The following TMTC4 variants were observed in gnomAD, a reference collection of about 807,000 sequenced individuals.
TMTC4 encodes protein O-mannosyl-transferase TMTC4.
TMTC4 carries 65 observed loss-of-function variants against 86.0 expected under a neutral mutation model. The ratio of observed to expected loss-of-function variants is 0.76; its 90% CI spans 0.62 to 0.93. The LOEUF is 0.93. Ranked by LOEUF, TMTC4 falls within the 40% of genes least tolerant of loss-of-function variation. TMTC4 has a pLI of 0.00. For synonymous variants in TMTC4, 379 were observed against 382.5 expected, an observed-to-expected ratio of 0.99 and a Z score of 0.11; for missense variants, 866 against 948.1, an observed-to-expected ratio of 0.91 and a Z score of 1.14.
intron 16 of TMTC4, 144 bp from the exon 17 acceptor site, chr13:100,612,654 TACACACACACACACACACACACACACAC>T: frequency 2.2e-6 from 1 of 448,062 alleles, no homozygotes; most frequent in Non-Finnish European, 3.9e-6. Flanking sequence ...GATCATGTAA[TACACACACACACACACACACACACACAC>T]ACACACACAC....
At chr13:100,654,986 G>C (rs1437717464) in intron 6 of TMTC4, among the ~76,000 whole-genome samples, 1 of 149,852 alleles carries the variant, frequency 6.7e-6, no homozygotes, top group African/African-American at 2.5e-5. Flanking sequence ...AGAAACTTTA[G>C]AGTTGTCTTT....
At chr13:100,622,456 A>T (rs1855871374) in intron 15 of TMTC4, among the ~76,000 whole-genome samples, 2 of 152,252 alleles carry the variant, frequency 1.3e-5, no homozygotes, top group South Asian at 4.1e-4. Flanking sequence ...GTGTTGTGGG[A>T]GGGACCTGGT....
rs1428510920 is a variant in TMTC4 at position 100,605,436 on chromosome 13, G to C, written c.2135-294C>G. Reference sequence around the variant, plus strand: ...AAAGAAGAGTACATGCAATGTCTTAGTGCTGCCATGAAATTTCCAGGAAGC... The same window carrying C: ...AAAGAAGAGTACATGCAATGTCTTACTGCTGCCATGAAATTTCCAGGAAGC... On this transcript the variant is annotated intron_variant, in intron 18 of 18. Coordinates refer to ENST00000342624, the MANE Select transcript of TMTC4 (RefSeq NM_032813.5). The surrounding 1 kb of genome is among the most constrained non-coding windows in gnomAD (Gnocchi z 4.3). 2.6e-5 allele frequency among the ~76,000 whole-genome samples: 4 copies of C among 152,162 alleles called. No individual in the cohort carries two copies. The highest frequency in any genetic ancestry group is 5.9e-5 in the Non-Finnish European group (4 of 68,038).
chr13:100,616,192 A>G (rs1248093987), intron 15 of TMTC4, among the ~76,000 whole-genome samples: 1 of 151,980 alleles, frequency 6.6e-6, no homozygotes, highest in Non-Finnish European at 1.5e-5. Flanking sequence ...TGATTGATGA[A>G]CATATGAATG....
Position 100,674,794 on chromosome 13 carries a change from C to G in TMTC4, c.-258G>C. On this transcript the variant is annotated 5_prime_UTR_variant, in exon 1 of 19. Coordinates refer to ENST00000342624, the MANE Select transcript of TMTC4 (RefSeq NM_032813.5). ...CATCTCCCTCCCGGGTGCGGAAACT[C>G]TGGCGGCTCCAGGCACCCGCCCGGA... 2.9e-5 allele frequency: 29 copies of G among 983,696 alleles called. No homozygotes were observed. Among genetic ancestry groups the G allele is most frequent in the Non-Finnish European group, 3.5e-5 (29 of 829,156 alleles). The allele number at this position is 983,696 out of a possible 1,614,324, so 60.9% of individuals were successfully genotyped here.
chr13:100,631,787 C>T (rs536216991), intron 12 of TMTC4, among the ~76,000 whole-genome samples: 1 of 152,156 alleles, frequency 6.6e-6, no homozygotes, highest in South Asian at 2.1e-4. Flanking sequence ...TGAAGGAAAC[C>T]AGTGTCTTCC....
intron 5 of TMTC4, among the ~76,000 whole-genome samples, chr13:100,662,429 A>G (rs1238837721): frequency 2.6e-5 from 4 of 151,978 alleles, no homozygotes; most frequent in Non-Finnish European, 5.9e-5. Context: ...CTGCCAGGCC[A>G]TTCCCTCATC....
At chr13:100,642,180 A>T in intron 7 of TMTC4, 31 bp downstream of exon 7, 1 of 1,610,808 alleles carries the variant, frequency 6.2e-7, no homozygotes, top group Non-Finnish European at 8.5e-7. Flanking sequence ...CACACAGAAA[A>T]AGCAGGCCCC....
chr13:100,634,731 T>C lies in TMTC4; in HGVS notation c.1506+74A>G, dbSNP rs1881950797. On this transcript the variant is annotated intron_variant, in intron 12 of 18. Transcript: ENST00000342624. The stretch of plus-strand genomic sequence containing the variant: ...ACACTAAATACTGCGCGACAGGAAA[T>C]GTTCTTATTCAGCCCAAGAACTTAA... 2.7e-5 allele frequency: 42 copies of C among 1,527,954 alleles called. No individual in the cohort carries two copies. In the South Asian group the frequency reaches 5.1e-4, roughly 19 times the overall value. 94.6% of individuals were successfully genotyped at this position (1,527,954 alleles called of 1,614,324 possible).
rs768929145 is a variant in TMTC4, at chr13:100,637,602, G to A, written c.935C>T (p.Thr312Met). The A allele has an allele frequency of 1.7e-5, 28 of 1,613,994 alleles. No individual in the cohort carries two copies. Among genetic ancestry groups the A allele is most frequent in the Middle Eastern group, 3.3e-4 (2 of 6,084 alleles). ...CACCTCGGTGAAGGCCGGCGGGCCC[G>A]TGCCCATGATCCTCCAGCGCACGTA... ...MLYVRWRIMG[T>M]GPPAFTEVDN... is the part of the protein sequence containing the mutation. The change falls in exon 9 of 19, where the codon ACG becomes ATG. Residue 312 changes from threonine to methionine, a missense_variant. Coordinates refer to ENST00000342624, the MANE Select transcript of TMTC4 (RefSeq NM_032813.5).
rs988320087 is a variant in TMTC4 at position 100,605,576 on chromosome 13, T to TA, written c.2135-435dup. Among the ~76,000 whole-genome samples, 14 of 152,182 alleles carry TA rather than the reference T, an allele frequency of 9.2e-5. No homozygotes were observed. The highest frequency in any genetic ancestry group is 3.1e-4 in the African/African-American group (13 of 41,442). On this transcript the variant is annotated intron_variant, in intron 18 of 18. Coordinates refer to ENST00000342624, the MANE Select transcript of TMTC4 (RefSeq NM_032813.5). The surrounding 1 kb of genome is among the most constrained non-coding windows in gnomAD (Gnocchi z 4.3). ...TTCCTTACACCATTTGGGGAAGTAA[T>TA]AGCTTGTTTGGGTCCATTTAGAAAA... is the stretch of plus-strand genomic sequence containing the variant.
At chr13:100,674,854 G>A (rs1160882820), upstream of TMTC4, 75 of 970,040 alleles carry the variant, frequency 7.7e-5, no homozygotes, top group South Asian at 9.5e-5. Context: ...CCGCGCACCC[G>A]ACCCCCCCCG....
At chr13:100,622,802 G>GT (rs1879746998) in intron 15 of TMTC4, among the ~76,000 whole-genome samples, 1 of 151,656 alleles carries the variant, frequency 6.6e-6, no homozygotes, top group Non-Finnish European at 1.5e-5. Flanking sequence ...TATACTTTAA[G>GT]TTTTAGCGTA....
At chr13:100,618,451 C>CTTTTT (rs1204044849) in intron 15 of TMTC4, among the ~76,000 whole-genome samples, 3 of 82,430 alleles carry the variant, frequency 3.6e-5, no homozygotes, top group East Asian at 3.5e-4. Context: ...TTTGTTGCTT[C>CTTTTT]TTGTTTTTTT....
rs1456614774 is a variant in TMTC4, at chr13:100,642,249, C to T, written c.703G>A (p.Val235Met). 1.2e-6 allele frequency: 2 copies of T among 1,614,198 alleles called. No homozygotes were observed. The highest frequency in any genetic ancestry group is 1.7e-6 in the Non-Finnish European group (2 of 1,180,040). The change falls in exon 7 of 19, where the codon GTG (valine) becomes ATG (methionine). Residue 235 changes from valine (V) to methionine (M), a missense_variant. Coordinates refer to ENST00000342624, the MANE Select transcript of TMTC4 (RefSeq NM_032813.5). ...CCTTGCTCTTTGCACAGCATGGCCACTGCTCCCAGAAAGATACTCAGCAGC... is the reference window on the plus strand; with the variant it reads ...CCTTGCTCTTTGCACAGCATGGCCATTGCTCCCAGAAAGATACTCAGCAGC... ...WVLLSIFLGAVAMLCKEQGIT... is the reference protein window; with the variant it reads ...WVLLSIFLGAMAMLCKEQGIT...
intron 1 of TMTC4, 46 bp downstream of exon 1, chr13:100,674,698 C>T: frequency 2.0e-6 from 2 of 983,316 alleles, no homozygotes; most frequent in South Asian, 4.7e-5. Flanking sequence ...CAACTCCGCT[C>T]GCCCCGCGGC....
chr13:100,668,623 C>T lies in TMTC4; in HGVS notation c.175G>A (p.Gly59Arg), dbSNP rs778163977. 1.9e-6 allele frequency: 3 copies of T among 1,614,154 alleles called. No individual in the cohort carries two copies. The highest frequency in any genetic ancestry group is 2.5e-6 in the Non-Finnish European group (3 of 1,180,028). The change falls in exon 3 of 19, where the codon GGA (glycine) becomes AGA (arginine). Residue 59 changes from glycine (G) to arginine (R), a missense_variant. Transcript: ENST00000342624. Reference protein sequence around the residue: ...AIVCFARSYDGDFVFDDSEAI... With the variant: ...AIVCFARSYDRDFVFDDSEAI... The stretch of plus-strand genomic sequence containing the variant: ...TCTGAGTCATCAAAGACAAAGTCTC[C>T]ATCATAGCTGCGTGCAAAACACACA...
chr13:100,662,074 G>A (rs1387932112), intron 5 of TMTC4, among the ~76,000 whole-genome samples: 1 of 151,958 alleles, frequency 6.6e-6, no homozygotes, highest in Non-Finnish European at 1.5e-5. Flanking sequence ...CAAACACACA[G>A]AGGCAGCGCG....
chr13:100,667,324 GA>G (rs1169007361), intron 3 of TMTC4, among the ~76,000 whole-genome samples: 3 of 152,096 alleles, frequency 2.0e-5, no homozygotes, highest in African/African-American at 7.2e-5. Flanking sequence ...AGCTACTTGG[GA>G]GGCTGAGGCA....
Sources: allele counts gnomAD v4.1 joint callset (sites outside exome capture counted in the v4.1 genomes callset), GRCh38; gene constraint gnomAD v4.1.1; non-coding constraint Gnocchi (gnomAD v3.1); transcripts MANE v1.5; gene names NCBI Gene and HGNC (gene_info 2026-07-23, HGNC 2026-07-21).